Variants in GRB14 observed in about 807,000 individuals in gnomAD.
GRB14 encodes growth factor receptor-bound protein 14.
In GRB14, 38 loss-of-function variants were observed where a neutral mutation model predicts 69.1. That is an observed-to-expected ratio of 0.55 (90% CI 0.42 to 0.72). GRB14 has a LOEUF of 0.72. Among genes scored for constraint, GRB14 ranks in the 30% least tolerant of loss-of-function variants. The pLI is 0.00. For missense variants in GRB14, 666 were observed against 666.1 expected, an observed-to-expected ratio of 1.00 and a Z score of 0.00; for synonymous variants, 247 against 241.3, an observed-to-expected ratio of 1.02 and a Z score of -0.22.
chr2:164,612,529 T>G (rs1215394215), intron 2 of GRB14, among the ~76,000 whole-genome samples: 1 of 152,246 alleles, frequency 6.6e-6, no homozygotes, highest in East Asian at 1.9e-4. Context: ...GGGTCTCCCT[T>G]GAGCTGACCT....
At chr2:164,591,746 A>G (rs1481145961) in intron 2 of GRB14, among the ~76,000 whole-genome samples, 2 of 152,098 alleles carry the variant, frequency 1.3e-5, no homozygotes, top group African/African-American at 4.8e-5. Flanking sequence ...GGCTGAGCTG[A>G]CACACTTGGT....
chr2:164,564,045 T>C (rs1688902090), intron 2 of GRB14, among the ~76,000 whole-genome samples: 2 of 152,174 alleles, frequency 1.3e-5, no homozygotes, highest in African/African-American at 4.8e-5. Context: ...GTGGGTCCAC[T>C]GATACTAAAT....
chr2:164,619,023 T>C (rs1427887544), intron 2 of GRB14, among the ~76,000 whole-genome samples: 2 of 152,214 alleles, frequency 1.3e-5, no homozygotes. Context: ...ACAGCCATGA[T>C]GTATTTTCTG....
At chr2:164,501,664 C>A (rs1234185702) in intron 9 of GRB14, among the ~76,000 whole-genome samples, 1 of 152,026 alleles carries the variant, frequency 6.6e-6, no homozygotes. Flanking sequence ...TAATGTAACA[C>A]ACGACCTATA....
intron 2 of GRB14, among the ~76,000 whole-genome samples, chr2:164,552,555 T>C (rs1401747469): frequency 6.6e-6 from 1 of 152,200 alleles, no homozygotes; most frequent in Admixed American, 6.5e-5. Context: ...AGGTAGGAAC[T>C]GACTCAATAT....
chr2:164,570,762 A>G (rs748287872), intron 2 of GRB14, among the ~76,000 whole-genome samples: 2 of 152,186 alleles, frequency 1.3e-5, no homozygotes, highest in Non-Finnish European at 2.9e-5. Context: ...AAAGCCTGTT[A>G]AACACTATGT....
At position 164,547,716 on chromosome 2, in the gene GRB14, T is replaced by C. The variant is rs1380412979; in HGVS notation, c.425A>G (p.His142Arg). 2.0e-5 allele frequency: 32 copies of C among 1,613,748 alleles called. No homozygotes were observed. The Admixed American group carries it at 4.8e-4, about 24-fold the overall frequency. Residue 142 changes from histidine to arginine, a missense_variant, in exon 3 of 14, where the codon CAT (histidine) becomes CGT (arginine). Physicochemically the swap from His to Arg is conservative, Grantham distance 29 (BLOSUM62 0). Transcript: ENST00000263915. ...DVCQLLILKNHYIDDHSWTLF... is the reference protein window; with the variant it reads ...DVCQLLILKNRYIDDHSWTLF... ...GGTCCAGCTGTGGTCATCAATGTAATGATTCTTCAGGATCAACAGCTGACA... is the reference window on the plus strand; with the variant it reads ...GGTCCAGCTGTGGTCATCAATGTAACGATTCTTCAGGATCAACAGCTGACA...
chr2:164,492,580 G>T lies in GRB14; in HGVS notation c.*456C>A, dbSNP rs1686784794. Among the ~76,000 whole-genome samples, 1 of 150,584 alleles carries T rather than the reference G, an allele frequency of 6.6e-6. No homozygotes were observed. Among genetic ancestry groups the T allele is most frequent in the Non-Finnish European group, 1.5e-5 (1 of 67,540 alleles). Reference sequence around the variant, plus strand: ...AAAATAGTTTTTAGTTTCATTAACAGGTTGTGGATAGTTTCTTTTAATTGA... The same window carrying T: ...AAAATAGTTTTTAGTTTCATTAACATGTTGTGGATAGTTTCTTTTAATTGA... On this transcript the variant is annotated 3_prime_UTR_variant, in exon 14 of 14. Coordinates refer to ENST00000263915, the MANE Select transcript of GRB14 (RefSeq NM_004490.3).
chr2:164,516,478 C>T (rs1396463284), intron 6 of GRB14, among the ~76,000 whole-genome samples: 1 of 148,866 alleles, frequency 6.7e-6, no homozygotes, highest in East Asian at 2.0e-4. Flanking sequence ...CAGAGGGATA[C>T]TCAAAGAAAA....
Position 164,493,148 on chromosome 2 carries a change from T to C in GRB14, c.1511A>G (p.Asp504Gly). The change falls in exon 14 of 14, where the codon GAT becomes GGT. Residue 504 changes from aspartate (D) to glycine (G), a missense_variant. Physicochemically the swap from Asp to Gly is moderately conservative, Grantham distance 94. Coordinates refer to ENST00000263915, the MANE Select transcript of GRB14 (RefSeq NM_004490.3). ...ATCTGTAAATCTTGTGTGGCCATCATCCAGTGTGTGGAACATTTCACCGTC... is the reference window on the plus strand; with the variant it reads ...ATCTGTAAATCTTGTGTGGCCATCACCCAGTGTGTGGAACATTTCACCGTC... ...EDDGEMFHTL[D>G]DGHTRFTDLI... is the part of the protein sequence containing the mutation. 1 of 1,613,526 alleles carries C rather than the reference T, an allele frequency of 6.2e-7. No homozygotes were observed. Among genetic ancestry groups the C allele is most frequent in the Non-Finnish European group, 8.5e-7 (1 of 1,179,660 alleles).
At chr2:164,535,732 T>G (rs1255026232) in intron 3 of GRB14, among the ~76,000 whole-genome samples, 1 of 152,074 alleles carries the variant, frequency 6.6e-6, no homozygotes, top group African/African-American at 2.4e-5. Flanking sequence ...TTCTAAAAGG[T>G]TCCTTAACCT....
chr2:164,539,954 T>C (rs1376150456), intron 3 of GRB14: 2 of 152,194 alleles, frequency 1.3e-5, no homozygotes, highest in African/African-American at 4.8e-5. Context: ...CTTAGTAGTA[T>C]ACTTTTAAAA....
chr2:164,509,496 C>T (rs1687282023), intron 6 of GRB14, among the ~76,000 whole-genome samples: 2 of 152,158 alleles, frequency 1.3e-5, no homozygotes, highest in Admixed American at 1.3e-4. Flanking sequence ...CTGGGAAATC[C>T]ATGAGATTTA....
At position 164,619,764 on chromosome 2, in the gene GRB14, GA is replaced by G; in HGVS notation, c.246del (p.Pro83LeufsTer27). On this transcript the variant is annotated frameshift_variant, in exon 2 of 14. Coordinates refer to ENST00000263915, the MANE Select transcript of GRB14 (RefSeq NM_004490.3). LOFTEE classifies it high-confidence loss of function. ...VPEMPSIPNP[F>X]PELCCSPFTS... ...GTAAATGGAGAACAGCATAGCTCAG[GA>G]AAAGGGTTTGGAATAGATGGCATTT... 1 of 1,610,814 alleles carries G rather than the reference GA, an allele frequency of 6.2e-7. No homozygotes were observed. The highest frequency in any genetic ancestry group is 8.5e-7 in the Non-Finnish European group (1 of 1,177,770).
chr2:164,553,832 T>C (rs915193659), intron 2 of GRB14, among the ~76,000 whole-genome samples: 1 of 152,030 alleles, frequency 6.6e-6, no homozygotes, highest in African/African-American at 2.4e-5. Flanking sequence ...GGAGTGGCTG[T>C]AATCCCAGCT....
chr2:164,574,664 GC>G (rs2105333064), intron 2 of GRB14, among the ~76,000 whole-genome samples: 1 of 152,232 alleles, frequency 6.6e-6, no homozygotes, highest in African/African-American at 2.4e-5. Context: ...TGATCGTTAG[GC>G]ATGGTGGCTT....
intron 1 of GRB14, among the ~76,000 whole-genome samples, chr2:164,620,224 A>T (rs1690422779): frequency 6.6e-6 from 1 of 152,202 alleles, no homozygotes; most frequent in Non-Finnish European, 1.5e-5. Flanking sequence ...ATTGTTATGC[A>T]TCCATGATAT....
chr2:164,619,635 A>T lies in GRB14; in HGVS notation c.324+52T>A. 1.5e-5 allele frequency: 19 copies of T among 1,255,664 alleles called. No homozygotes were observed. The South Asian group carries it at 2.7e-4, about 18-fold the overall frequency. The allele number at this position is 1,255,664 out of a possible 1,614,324, so 77.8% of individuals were successfully genotyped here. On this transcript the variant is annotated intron_variant, in intron 2 of 13. Transcript: ENST00000263915. ...AATTACGGAACACCTTAAAGACTGT[A>T]TGGATTCAGAACTCCTAAGATTTTT...
intron 5 of GRB14, among the ~76,000 whole-genome samples, chr2:164,523,900 A>G (rs1574269400): frequency 6.6e-6 from 1 of 152,120 alleles, no homozygotes; most frequent in East Asian, 1.9e-4. Flanking sequence ...CCATCCCACC[A>G]CTGTGTTGTA....
Sources: gnomAD v4.1 joint callset for allele counts (sites outside exome capture counted in the v4.1 genomes callset) on GRCh38, gnomAD v4.1.1 for gene constraint, MANE v1.5 for transcripts, NCBI Gene and HGNC (gene_info 2026-07-23, HGNC 2026-07-21) for gene names.